GRAMD1B: variants seen among roughly 807,000 people sequenced by gnomAD.
The protein encoded by GRAMD1B is protein Aster-B.
A neutral mutation model predicts 99.7 loss-of-function variants in GRAMD1B; 37 were observed. That is an observed-to-expected ratio of 0.37 (90% CI 0.29 to 0.49). GRAMD1B has a LOEUF of 0.49. Among genes scored for constraint, GRAMD1B ranks in the 20% least tolerant of loss-of-function variants. The probability of loss-of-function intolerance (pLI) is 0.98; values close to 1 mark genes in which losing one functional copy is unlikely to be tolerated. For synonymous variants in GRAMD1B, 427 were observed against 387.6 expected, an observed-to-expected ratio of 1.10 and a Z score of -1.19; for missense variants, 888 against 1,009.2, an observed-to-expected ratio of 0.88 and a Z score of 1.63.
rs757313912 is a variant in GRAMD1B, at chr11:123,613,614, C to T, written c.2183C>T (p.Thr728Met). The change falls in exon 16 of 20, where the codon ACG (threonine) becomes ATG (methionine). Residue 728 changes from threonine (T) to methionine (M), a missense_variant. By Grantham distance (81) the Thr-to-Met change is moderately conservative (BLOSUM62 -1). Coordinates refer to ENST00000635736, the MANE Select transcript of GRAMD1B (RefSeq NM_001387025.1). ...GAAGAGGTGATGAGCCCGGTCACCACGCCCACAGATGAGGATGTGGGCCAC... is the reference window on the plus strand; with the variant it reads ...GAAGAGGTGATGAGCCCGGTCACCATGCCCACAGATGAGGATGTGGGCCAC... ...HLEEVMSPVT[T>M]PTDEDVGHRI... is the part of the protein sequence containing the mutation. 29 of 1,613,894 alleles carry T rather than the reference C, an allele frequency of 1.8e-5. No individual in the cohort carries two copies. Among genetic ancestry groups the T allele is most frequent in the Non-Finnish European group, 2.4e-5 (28 of 1,179,862 alleles).
chr11:123,555,706 C>T (rs1946114221), intron 2 of GRAMD1B, among the ~76,000 whole-genome samples: 1 of 151,914 alleles, frequency 6.6e-6, no homozygotes. Context: ...GTACAGGCTC[C>T]TGATACTCAG....
chr11:123,597,997 C>G (rs1302956735), intron 7 of GRAMD1B: 22 of 1,233,776 alleles, frequency 1.8e-5, no homozygotes, highest in Non-Finnish European at 2.4e-5. Context: ...TCACAGCATT[C>G]CCACTTGAGT....
intron 1 of GRAMD1B, among the ~76,000 whole-genome samples, chr11:123,396,720 G>T (rs1488434541): frequency 6.6e-6 from 1 of 152,218 alleles, no homozygotes; most frequent in East Asian, 1.9e-4. Context: ...TGGTTTGCAA[G>T]AATATCTTGG....
intron 1 of GRAMD1B, among the ~76,000 whole-genome samples, chr11:123,394,297 C>A (rs1181482717): frequency 6.6e-6 from 1 of 152,214 alleles, no homozygotes; most frequent in Non-Finnish European, 1.5e-5. Context: ...CTCTTACTAT[C>A]AGCATTGAGA....
chr11:123,536,601 A>G (rs1420382676), intron 2 of GRAMD1B, among the ~76,000 whole-genome samples: 1 of 152,162 alleles, frequency 6.6e-6, no homozygotes, highest in Non-Finnish European at 1.5e-5. Context: ...ATTTAGCACT[A>G]TATACAGAAA....
intron 2 of GRAMD1B, among the ~76,000 whole-genome samples, chr11:123,509,359 G>A (rs1382489341): frequency 2.0e-5 from 3 of 152,226 alleles, no homozygotes; most frequent in Admixed American, 1.3e-4. Flanking sequence ...GCTGCTATAG[G>A]GGAGCTGTTG....
chr11:123,420,747 G>A (rs1948404730), intron 1 of GRAMD1B, among the ~76,000 whole-genome samples: 1 of 152,224 alleles, frequency 6.6e-6, no homozygotes, highest in Non-Finnish European at 1.5e-5. Flanking sequence ...CAATAGTGAA[G>A]TGGAGAAAAC....
At position 123,619,037 on chromosome 11, in the gene GRAMD1B, G is replaced by A. The variant is rs2137120752; in HGVS notation, c.2427-70G>A. ...TGATGTGACTCTCTGTCCTTTAGGG[G>A]TCTGGGAGCCCAGGACAGTTCGCTG... On this transcript the variant is annotated intron_variant, in intron 18 of 19. Transcript: ENST00000635736. The A allele has an allele frequency of 3.5e-6, 3 of 848,312 alleles. No individual in the cohort carries two copies. The Admixed American group carries it at 6.4e-5, about 18-fold the overall frequency. 52.5% of individuals were successfully genotyped at this position (848,312 alleles called of 1,614,324 possible).
At chr11:123,362,479 A>T (rs1302353685) in intron 1 of GRAMD1B, among the ~76,000 whole-genome samples, 1 of 152,202 alleles carries the variant, frequency 6.6e-6, no homozygotes, top group African/African-American at 2.4e-5. Context: ...GGGGGTGGCC[A>T]TGGACTTCAG....
At chr11:123,455,302 A>T (rs2134408138) in intron 1 of GRAMD1B, among the ~76,000 whole-genome samples, 1 of 152,246 alleles carries the variant, frequency 6.6e-6, no homozygotes, top group East Asian at 1.9e-4. Flanking sequence ...TTTTATAAAA[A>T]CGAGGGTCTT....
intron 1 of GRAMD1B, among the ~76,000 whole-genome samples, chr11:123,461,603 G>A (rs1744411646): frequency 6.6e-6 from 1 of 152,202 alleles, no homozygotes; most frequent in African/African-American, 2.4e-5. Context: ...ACTTTTTGTT[G>A]TTGTTGTTGT....
chr11:123,524,799 A>G (rs1350895361), intron 2 of GRAMD1B, among the ~76,000 whole-genome samples: 1 of 152,200 alleles, frequency 6.6e-6, no homozygotes, highest in East Asian at 1.9e-4. Flanking sequence ...AAGCTTTATT[A>G]TCATGGTTCA....
intron 1 of GRAMD1B, among the ~76,000 whole-genome samples, chr11:123,443,615 G>C (rs1461304252): frequency 2.0e-5 from 3 of 151,412 alleles, no homozygotes; most frequent in Non-Finnish European, 1.5e-5. Flanking sequence ...ACCTAGGCTG[G>C]AGTGCAGTGG....
intron 2 of GRAMD1B, among the ~76,000 whole-genome samples, chr11:123,484,382 G>T (rs1214525986): frequency 6.6e-6 from 1 of 152,072 alleles, no homozygotes; most frequent in East Asian, 1.9e-4. Context: ...TTTGGTATTT[G>T]GGACTTTACA....
intron 2 of GRAMD1B, among the ~76,000 whole-genome samples, chr11:123,507,881 A>C (rs1167192800): frequency 6.6e-6 from 1 of 152,114 alleles, no homozygotes; most frequent in Non-Finnish European, 1.5e-5. Flanking sequence ...AAATGTTAAG[A>C]GGTTGGAAAT....
intron 1 of GRAMD1B, among the ~76,000 whole-genome samples, chr11:123,389,791 G>A (rs1186528059): frequency 6.6e-6 from 1 of 152,068 alleles, no homozygotes; most frequent in African/African-American, 2.4e-5. Flanking sequence ...TGTTATCCAG[G>A]CTGGAGTGCA....
intron 2 of GRAMD1B, among the ~76,000 whole-genome samples, chr11:123,513,605 C>CTCTCTTTCTTTCTTTCTTTCTTT (rs1555050188): frequency 6.3e-5 from 2 of 31,768 alleles, no homozygotes; most frequent in African/African-American, 1.5e-4. Flanking sequence ...TTCCTTCCTT[C>CTCTCTTTCTTTCTTTCTTTCTTT]CTTCCTTCCT....
At chr11:123,370,277 C>G (rs1946479158) in intron 1 of GRAMD1B, among the ~76,000 whole-genome samples, 1 of 149,522 alleles carries the variant, frequency 6.7e-6, no homozygotes, top group Non-Finnish European at 1.5e-5. Context: ...GATTGCGCCA[C>G]TGCACTCCAG....
At chr11:123,375,034 A>C (rs976145180) in intron 1 of GRAMD1B, among the ~76,000 whole-genome samples, 1 of 152,160 alleles carries the variant, frequency 6.6e-6, no homozygotes, top group Non-Finnish European at 1.5e-5. Flanking sequence ...CTTTTATTGA[A>C]ACTTTTACTA....
Sources: gnomAD v4.1 joint callset for allele counts (sites outside exome capture counted in the v4.1 genomes callset) on GRCh38, gnomAD v4.1.1 for gene constraint, MANE v1.5 for transcripts, NCBI Gene and HGNC (gene_info 2026-07-23, HGNC 2026-07-21) for gene names.